SUPT5H: variants seen among roughly 807,000 people sequenced by gnomAD.
SUPT5H encodes SPT5 homolog, DSIF elongation factor subunit, also known as transcription elongation factor SPT5.
SUPT5H carries 24 observed loss-of-function variants against 142.5 expected under a neutral mutation model. That is an observed-to-expected ratio of 0.17 (90% CI 0.12 to 0.24). The LOEUF (loss-of-function observed/expected upper bound fraction) is 0.24. SUPT5H is among the 10% of genes least tolerant of loss of function. The pLI, the probability that SUPT5H is intolerant of heterozygous loss-of-function variation, is 1.00. For missense variants in SUPT5H, 893 were observed against 1,471.8 expected (o/e 0.61, Z 6.43); for synonymous variants, 546 against 553.0 (o/e 0.99, Z 0.18).
At position 39,469,033 on chromosome 19, in the gene SUPT5H, G is replaced by A; in HGVS notation, c.1144-46G>A. 6.2e-7 allele frequency: 1 copy of A among 1,610,868 alleles called. No homozygotes were observed. The highest frequency in any genetic ancestry group is 8.5e-7 in the Non-Finnish European group (1 of 1,178,140). On this transcript the variant is annotated intron_variant, in intron 14 of 29. Coordinates refer to ENST00000432763, the MANE Select transcript of SUPT5H (RefSeq NM_001111020.3). This position sits in a 1 kb window ranked among gnomAD's most constrained non-coding sequence, Gnocchi z 5.1. ...GCCCACTCAGCTGGGCTGTTGCACT[G>A]ACCTCGGTCCATTTCCTTCTCTTCC...
intron 10 of SUPT5H, among the ~76,000 whole-genome samples, chr19:39,463,006 ATT>A (rs34217986): frequency 4.9e-5 from 5 of 103,076 alleles, no homozygotes; most frequent in African/African-American, 1.1e-4. Flanking sequence ...TGCCCAGCTA[ATT>A]TTTTTTTTTT....
At chr19:39,457,950 T>C (rs906920530) in intron 4 of SUPT5H, 2 of 933,722 alleles carry the variant, frequency 2.1e-6, no homozygotes, top group East Asian at 2.6e-5. Context: ...GTGGGGATGT[T>C]GTGGGGAGAG....
chr19:39,474,427 A>C lies in SUPT5H; in HGVS notation c.2820+25A>C. 3 of 1,611,506 alleles carry C rather than the reference A, an allele frequency of 1.9e-6. 1 individual carries two copies. The highest frequency in any genetic ancestry group is 8.5e-7 in the Non-Finnish European group (1 of 1,178,050). On this transcript the variant is annotated intron_variant, in intron 27 of 29. Transcript: ENST00000432763. The surrounding 1 kb of genome is among the most constrained non-coding windows in gnomAD (Gnocchi z 6.5). The stretch of plus-strand genomic sequence containing the variant: ...GGTAATGGTCTGCCTGCCTGCCCTG[A>C]AGGGTGGTGGGCTAGGGTGACTTTG...
Position 39,472,297 on chromosome 19 carries a change from G to C in SUPT5H, c.1951-112G>C. 1.0e-6 allele frequency: 1 copy of C among 967,502 alleles called. No individual in the cohort carries two copies. Among genetic ancestry groups the C allele is most frequent in the South Asian group, 1.4e-5 (1 of 70,814 alleles). 59.9% of individuals were successfully genotyped at this position (967,502 alleles called of 1,614,324 possible). Reference sequence around the variant, plus strand: ...TGTCACAGAGGAATTCAGGCCTGGGGTGTGGGTGGCTGGGTGGTCTCCTCA... The same window carrying C: ...TGTCACAGAGGAATTCAGGCCTGGGCTGTGGGTGGCTGGGTGGTCTCCTCA... On this transcript the variant is annotated intron_variant, in intron 20 of 29. Coordinates refer to ENST00000432763, the MANE Select transcript of SUPT5H (RefSeq NM_001111020.3). This position sits in a 1 kb window ranked among gnomAD's most constrained non-coding sequence, Gnocchi z 4.2.
chr19:39,445,718 T>G, intron 1 of SUPT5H, 81 bp downstream of exon 1: 1 of 720,290 alleles, frequency 1.4e-6, no homozygotes, highest in Non-Finnish European at 2.3e-6. Flanking sequence ...AGGTCTAGCA[T>G]GTGGCGTAGG....
At chr19:39,468,438 G>A (rs2079272951) in intron 13 of SUPT5H, 1 of 403,538 alleles carries the variant, frequency 2.5e-6, no homozygotes, top group Non-Finnish European at 4.6e-6. Flanking sequence ...ACTATTCTTG[G>A]TGAAATTTAG....
chr19:39,473,239 T>C lies in SUPT5H; in HGVS notation c.2295T>C (p.Tyr765=), dbSNP rs753704618. The C allele has an allele frequency of 6.2e-7, 1 of 1,613,562 alleles. No homozygotes were observed. The highest frequency in any genetic ancestry group is 8.5e-7 in the Non-Finnish European group (1 of 1,179,950). The part of the protein sequence containing the change: ...SRRPGGMTST[Y]GRTPMYGSQT... ...GCCCGGGCGGCATGACCTCGACCTA[T>C]GGGAGGACGCCCATGTATGGCTCCC... The change falls in exon 24 of 30, where the codon TAT becomes TAC. Residue 765 remains tyrosine, a synonymous_variant. Coordinates refer to ENST00000432763, the MANE Select transcript of SUPT5H (RefSeq NM_001111020.3). The surrounding 1 kb of genome is among the most constrained non-coding windows in gnomAD (Gnocchi z 5.8).
Position 39,458,964 on chromosome 19 carries a change from T to A in SUPT5H, c.390-41T>A. The A allele has an allele frequency of 6.2e-7, 1 of 1,614,068 alleles. No homozygotes were observed. The highest frequency in any genetic ancestry group is 8.5e-7 in the Non-Finnish European group (1 of 1,179,962). ...GAGTAGGTCAGCCCACCTGCTGTCC[T>A]CAACCTTCAATTCGTGTTTGCTTCC... On this transcript the variant is annotated intron_variant, in intron 6 of 29. Transcript: ENST00000432763. The surrounding 1 kb of genome is among the most constrained non-coding windows in gnomAD (Gnocchi z 4.2).
rs753296266 is a variant in SUPT5H, at chr19:39,473,341, G to A, written c.2386+11G>A. 1.5e-5 allele frequency: 25 copies of A among 1,613,482 alleles called. No homozygotes were observed. Among genetic ancestry groups the A allele is most frequent in the South Asian group, 6.6e-5 (6 of 91,088 alleles). Reference sequence around the variant, plus strand: ...CACCCCTCCAGGATGGTGAGTGCCCGCAGGGGACAGGGAAGAGGGGCTAGG... The same window carrying A: ...CACCCCTCCAGGATGGTGAGTGCCCACAGGGGACAGGGAAGAGGGGCTAGG... On this transcript the variant is annotated intron_variant, in intron 24 of 29. Transcript: ENST00000432763. This position sits in a 1 kb window ranked among gnomAD's most constrained non-coding sequence, Gnocchi z 5.8.
chr19:39,454,199 A>T (rs553404939), intron 3 of SUPT5H, among the ~76,000 whole-genome samples: 54 of 152,298 alleles, frequency 3.5e-4, no homozygotes, highest in African/African-American at 1.3e-3. Flanking sequence ...TATGTAATTG[A>T]TGTAAATGCT....
Position 39,476,274 on chromosome 19 carries a change from G to A in SUPT5H, c.3139G>A (p.Glu1047Lys). 1 of 1,614,112 alleles carries A rather than the reference G, an allele frequency of 6.2e-7. No homozygotes were observed. The highest frequency in any genetic ancestry group is 8.5e-7 in the Non-Finnish European group (1 of 1,180,014). ...KNNKVKVILG[E>K]DREATGVLLS... ...CCCCCAGGTGAAAGTGATCCTGGGC[G>A]AGGATCGGGAAGCCACGGGCGTCCT... Residue 1047 changes from glutamate to lysine, a missense_variant, in exon 30 of 30, where the codon GAG becomes AAG. Transcript: ENST00000432763.
At chr19:39,464,046 C>T (rs888240577) in intron 10 of SUPT5H, among the ~76,000 whole-genome samples, 1 of 146,990 alleles carries the variant, frequency 6.8e-6, no homozygotes. Context: ...TGCAATGGTG[C>T]GATCTCAGCT....
In SUPT5H at chr19:39,474,337, G is replaced by T; in HGVS notation, c.2755G>T (p.Ala919Ser). Residue 919 changes from alanine (A) to serine (S), a missense_variant, in exon 27 of 30, where the codon GCA (alanine) becomes TCA (serine). By Grantham distance (99) the Ala-to-Ser change is moderately conservative (BLOSUM62 1). Around this residue, in one of 6 missense-constraint regions of SUPT5H, gnomAD observed 336 missense variants for 546.5 expected, o/e 0.61. Transcript: ENST00000432763. This position sits in a 1 kb window ranked among gnomAD's most constrained non-coding sequence, Gnocchi z 6.5. ...CTACCACCAGGTGGCGCCAAGCCCA[G>T]CAGGCTACCAGAATACCCACTCCCC... ...QSYHQVAPSPAGYQNTHSPAS... is the reference protein window; with the variant it reads ...QSYHQVAPSPSGYQNTHSPAS... 1 of 1,614,076 alleles carries T rather than the reference G, an allele frequency of 6.2e-7. No homozygotes were observed. Among genetic ancestry groups the T allele is most frequent in the South Asian group, 1.1e-5 (1 of 91,078 alleles).
rs760660038 is a variant in SUPT5H at position 39,473,231 on chromosome 19, T to A, written c.2287T>A (p.Ser763Thr). The A allele has an allele frequency of 6.2e-7, 1 of 1,613,284 alleles. No individual in the cohort carries two copies. The highest frequency in any genetic ancestry group is 8.5e-7 in the Non-Finnish European group (1 of 1,179,942). The change falls in exon 24 of 30, where the codon TCG (serine) becomes ACG (threonine). Residue 763 changes from serine to threonine, a missense_variant. Ser to Thr is a moderately conservative substitution (Grantham distance 58). Around this residue, in one of 6 missense-constraint regions of SUPT5H, gnomAD observed 336 missense variants for 546.5 expected, o/e 0.61. Coordinates refer to ENST00000432763, the MANE Select transcript of SUPT5H (RefSeq NM_001111020.3). The surrounding 1 kb of genome is among the most constrained non-coding windows in gnomAD (Gnocchi z 5.8). ...VGSRRPGGMT[S>T]TYGRTPMYGS... ...CTCACGGCGCCCGGGCGGCATGACC[T>A]CGACCTATGGGAGGACGCCCATGTA...
chr19:39,469,100 A>G lies in SUPT5H; in HGVS notation c.1165A>G (p.Thr389Ala). The G allele has an allele frequency of 6.2e-7, 1 of 1,614,214 alleles. No individual in the cohort carries two copies. The highest frequency in any genetic ancestry group is 8.5e-7 in the Non-Finnish European group (1 of 1,180,032). Residue 389 changes from threonine to alanine, a missense_variant, in exon 15 of 30, where the codon ACA becomes GCA. This residue lies in a region of SUPT5H where 428 missense variants were observed against 763.5 expected (regional missense o/e 0.56). Transcript: ENST00000432763. The surrounding 1 kb of genome is among the most constrained non-coding windows in gnomAD (Gnocchi z 5.1). ...TTAGATCACGGAGGGTGTGAAGCCA[A>G]CACTCTCTGAGCTGGAAAAGTTTGA... ...SAVITEGVKP[T>A]LSELEKFEDQ...
chr19:39,463,985 C>CT (rs56190970), intron 10 of SUPT5H, among the ~76,000 whole-genome samples: 22,867 of 135,924 alleles, frequency 0.17, 2,011 homozygotes, highest in African/African-American at 0.18. Flanking sequence ...CTTCTAGTTG[C>CT]TTTTTTTTTT....
Position 39,473,849 on chromosome 19 carries a change from G to T in SUPT5H, c.2493-114G>T, listed in dbSNP as rs917639316. 1 of 1,412,128 alleles carries T rather than the reference G, an allele frequency of 7.1e-7. No individual in the cohort carries two copies. The highest frequency in any genetic ancestry group is 9.9e-7 in the Non-Finnish European group (1 of 1,006,592). 87.5% of individuals were successfully genotyped at this position (1,412,128 alleles called of 1,614,324 possible). ...ATAACATCAGGAGTGCCTCTGGATG[G>T]GGCTCCCGTGAGAATGAAATTGCTT... On this transcript the variant is annotated intron_variant, in intron 25 of 29. Coordinates refer to ENST00000432763, the MANE Select transcript of SUPT5H (RefSeq NM_001111020.3). The surrounding 1 kb of genome is among the most constrained non-coding windows in gnomAD (Gnocchi z 5.8).
At chr19:39,453,130 C>T (rs1035743951) in intron 2 of SUPT5H, among the ~76,000 whole-genome samples, 18 of 151,828 alleles carry the variant, frequency 1.2e-4, no homozygotes, top group Admixed American at 2.0e-4. Flanking sequence ...GGGAGAAGCC[C>T]GGGTCAACTC....
In SUPT5H at chr19:39,459,235, G is replaced by A. The variant is rs2079129709; in HGVS notation, c.510G>A (p.Leu170=). 2 of 1,562,476 alleles carry A rather than the reference G, an allele frequency of 1.3e-6. No homozygotes were observed. The highest frequency in any genetic ancestry group is 2.7e-5 in the African/African-American group (2 of 73,214). The change falls in exon 8 of 30, where the codon CTG becomes CTA. Residue 170 remains leucine (L), a synonymous_variant. Transcript: ENST00000432763. ...ELSDDITQQQ[L]LPGVKDPNLW... is the part of the protein sequence containing the mutation. ...CAGACGACATCACCCAGCAGCAGCT[G>A]CTCCCAGGAGTCAAGTAAGGGGGTT...
Sources: allele counts gnomAD v4.1 joint callset (sites outside exome capture counted in the v4.1 genomes callset), GRCh38; gene constraint gnomAD v4.1.1; regional missense constraint gnomAD v4.1.1; non-coding constraint Gnocchi (gnomAD v3.1); transcripts MANE v1.5; gene names NCBI Gene and HGNC (gene_info 2026-07-23, HGNC 2026-07-21).